Variants in FHOD3 observed in about 807,000 individuals in gnomAD.
FHOD3 encodes the protein FH1/FH2 domain-containing protein 3.
In FHOD3, 90 loss-of-function variants were observed where a neutral mutation model predicts 173.0. That is an observed-to-expected ratio of 0.52 (90% CI 0.44 to 0.62). The LOEUF (loss-of-function observed/expected upper bound fraction) is 0.62, where lower values mean the gene tolerates loss of function less well. Among genes scored for constraint, FHOD3 ranks in the 20% least tolerant of loss-of-function variants. The probability of loss-of-function intolerance (pLI) is 0.00; values close to 1 mark genes in which losing one functional copy is unlikely to be tolerated. For missense variants in FHOD3, 1,945 were observed against 2,034.7 expected, an observed-to-expected ratio of 0.96 and a Z score of 0.85; for synonymous variants, 828 against 823.0, an observed-to-expected ratio of 1.01 and a Z score of -0.10.
At chr18:36,748,488 G>T (rs2042264809) in intron 24 of FHOD3, among the ~76,000 whole-genome samples, 2 of 152,008 alleles carry the variant, frequency 1.3e-5, no homozygotes, top group South Asian at 4.1e-4. Context: ...TTATAAAGCT[G>T]TTGAGCTTGG....
intron 5 of FHOD3, among the ~76,000 whole-genome samples, chr18:36,532,055 G>A (rs1487235250): frequency 6.6e-6 from 1 of 152,198 alleles, no homozygotes; most frequent in Non-Finnish European, 1.5e-5. Context: ...TCTCTGCACA[G>A]CTGCCTCTGG....
At chr18:36,364,257 A>G (rs2046780036) in intron 2 of FHOD3, among the ~76,000 whole-genome samples, 1 of 152,174 alleles carries the variant, frequency 6.6e-6, no homozygotes, top group Non-Finnish European at 1.5e-5. Flanking sequence ...TTCCAAATAT[A>G]GGCAATCCTC....
At chr18:36,597,466 G>T (rs1406906141) in intron 7 of FHOD3, among the ~76,000 whole-genome samples, 2 of 152,128 alleles carry the variant, frequency 1.3e-5, no homozygotes, top group Non-Finnish European at 2.9e-5. Flanking sequence ...TCACTCTGTT[G>T]CCCAGGCTAG....
chr18:36,375,710 C>A (rs1326069226), intron 3 of FHOD3, among the ~76,000 whole-genome samples: 1 of 152,170 alleles, frequency 6.6e-6, no homozygotes, highest in Non-Finnish European at 1.5e-5. Flanking sequence ...AAAATGAAGG[C>A]CACAGGGGCT....
chr18:36,750,517 T>C (rs1438664434), intron 24 of FHOD3, among the ~76,000 whole-genome samples: 1 of 152,234 alleles, frequency 6.6e-6, no homozygotes, highest in East Asian at 1.9e-4. Context: ...ATTTTTGCTT[T>C]CATTGTGATT....
chr18:36,422,532 G>A (rs1347763147), intron 3 of FHOD3, among the ~76,000 whole-genome samples: 7 of 152,176 alleles, frequency 4.6e-5, no homozygotes, highest in Non-Finnish European at 1.0e-4. Context: ...AATGGTCTGT[G>A]TACTTGCAAT....
chr18:36,693,517 C>G (rs1010209065), intron 17 of FHOD3, 94 bp downstream of exon 17: 1 of 1,134,630 alleles, frequency 8.8e-7, no homozygotes, highest in African/African-American at 1.5e-5. Context: ...CAGGCTAATA[C>G]TGAGACAGCA....
chr18:36,773,302 G>A (rs1370694788), intron 28 of FHOD3, among the ~76,000 whole-genome samples: 1 of 152,208 alleles, frequency 6.6e-6, no homozygotes, highest in Non-Finnish European at 1.5e-5. Flanking sequence ...AAAGGATGAA[G>A]GAGCAGTAAA....
chr18:36,341,548 A>G (rs904932632), intron 1 of FHOD3, among the ~76,000 whole-genome samples: 3 of 152,222 alleles, frequency 2.0e-5, no homozygotes, highest in African/African-American at 4.8e-5. Flanking sequence ...GAGGCTGAGA[A>G]GTTAAGCAGA....
intron 1 of FHOD3, among the ~76,000 whole-genome samples, chr18:36,299,849 C>T: frequency 6.6e-6 from 1 of 152,202 alleles, no homozygotes; most frequent in East Asian, 1.9e-4. Context: ...AAGACCCCTG[C>T]AGTATATTTA....
chr18:36,546,371 T>G (rs983439918), intron 5 of FHOD3, among the ~76,000 whole-genome samples: 1 of 152,164 alleles, frequency 6.6e-6, no homozygotes, highest in Non-Finnish European at 1.5e-5. Context: ...TACTTTAGAG[T>G]TTTGATATTT....
intron 3 of FHOD3, among the ~76,000 whole-genome samples, chr18:36,482,219 T>C (rs1474726798): frequency 6.6e-6 from 1 of 152,182 alleles, no homozygotes; most frequent in Non-Finnish European, 1.5e-5. Flanking sequence ...AATCCCTGTT[T>C]TTATGGAGCC....
At chr18:36,519,956 T>TTTTTG (rs2056192108) in intron 5 of FHOD3, among the ~76,000 whole-genome samples, 1 of 1,092 alleles carries the variant, frequency 9.2e-4, no homozygotes, top group African/African-American at 1.2e-3. Context: ...TTTTCTTTCA[T>TTTTTG]TTTTTTTTTT....
chr18:36,523,727 G>A (rs2056384010), intron 5 of FHOD3, among the ~76,000 whole-genome samples: 1 of 152,210 alleles, frequency 6.6e-6, no homozygotes, highest in South Asian at 2.1e-4. Context: ...TTGGGGTCAG[G>A]TGGTACTGGA....
chr18:36,767,253 C>CAT (rs902807700), intron 27 of FHOD3, among the ~76,000 whole-genome samples: 1 of 151,864 alleles, frequency 6.6e-6, no homozygotes, highest in Admixed American at 6.6e-5. Flanking sequence ...ACTGTTTTTG[C>CAT]ATGTGCTCAT....
intron 27 of FHOD3, 96 bp downstream of exon 27, chr18:36,760,878 C>G: frequency 1.5e-6 from 2 of 1,338,448 alleles, no homozygotes; most frequent in Non-Finnish European, 2.0e-6. Context: ...ACGGCTGTGA[C>G]TGGCCCTCGG....
At chr18:36,416,654 C>T (rs2049666223) in intron 3 of FHOD3, among the ~76,000 whole-genome samples, 1 of 152,188 alleles carries the variant, frequency 6.6e-6, no homozygotes, top group Non-Finnish European at 1.5e-5. Context: ...TAACCTGGGG[C>T]TCTTGGCACC....
chr18:36,650,874 A>G (rs906369473), intron 11 of FHOD3, among the ~76,000 whole-genome samples: 4 of 152,176 alleles, frequency 2.6e-5, no homozygotes, highest in Non-Finnish European at 5.9e-5. Context: ...TGTTTATCTT[A>G]TGCCTGGAAG....
At chr18:36,452,699 G>A (rs893800000) in intron 3 of FHOD3, among the ~76,000 whole-genome samples, 2 of 152,050 alleles carry the variant, frequency 1.3e-5, no homozygotes, top group Non-Finnish European at 2.9e-5. Flanking sequence ...GGCAGTGTTT[G>A]TCCTTCTGTG....
Sources: allele counts gnomAD v4.1 joint callset (sites outside exome capture counted in the v4.1 genomes callset), GRCh38; gene constraint gnomAD v4.1.1; transcripts MANE v1.5; gene names NCBI Gene and HGNC (gene_info 2026-07-23, HGNC 2026-07-21).